The following DNASE2B variants were observed in gnomAD, a reference collection of about 807,000 sequenced individuals.
The protein encoded by DNASE2B is deoxyribonuclease 2 beta.
In DNASE2B, 43 loss-of-function variants were observed where a neutral mutation model predicts 46.0. That is an observed-to-expected ratio of 0.94 (90% CI 0.73 to 1.21). The LOEUF (loss-of-function observed/expected upper bound fraction) is 1.21, where lower values mean the gene tolerates loss of function less well. DNASE2B is among the 50% of genes most tolerant of loss of function. DNASE2B has a pLI of 0.00. For synonymous variants in DNASE2B, 156 were observed against 152.5 expected, an observed-to-expected ratio of 1.02 and a Z score of -0.17; for missense variants, 395 against 414.4, an observed-to-expected ratio of 0.95 and a Z score of 0.41.
chr1:84,411,419 A>T (rs1680589277), intron 4 of DNASE2B, among the ~76,000 whole-genome samples: 1 of 141,750 alleles, frequency 7.1e-6, no homozygotes, highest in East Asian at 2.1e-4. Context: ...AGTACCAGAA[A>T]CCTAGGGTGT....
chr1:84,406,150 C>T (rs553751422), intron 2 of DNASE2B, among the ~76,000 whole-genome samples: 1 of 151,910 alleles, frequency 6.6e-6, no homozygotes, highest in Non-Finnish European at 1.5e-5. Flanking sequence ...CATATAGACC[C>T]ATGCAGTTCA....
chr1:84,411,461 T>A (rs1318460805), intron 4 of DNASE2B, among the ~76,000 whole-genome samples: 27 of 51,144 alleles, frequency 5.3e-4, no homozygotes, highest in Non-Finnish European at 8.6e-4. Context: ...TGTGTGTGTG[T>A]GTGTGTGTGT....
chr1:84,398,779 C>T (rs1680350794), intron 1 of DNASE2B, 90 bp downstream of exon 1: 1 of 1,518,030 alleles, frequency 6.6e-7, no homozygotes, highest in Admixed American at 2.0e-5. Flanking sequence ...AGGGGAATGT[C>T]CATTCTCTTT....
chr1:84,401,566 C>T (rs941484235), intron 1 of DNASE2B, among the ~76,000 whole-genome samples: 8 of 152,212 alleles, frequency 5.3e-5, no homozygotes, highest in Non-Finnish European at 1.2e-4. Context: ...CAGCCAACTG[C>T]ATGGTCTGGG....
intron 3 of DNASE2B, among the ~76,000 whole-genome samples, chr1:84,408,864 G>A (rs1488748893): frequency 2.0e-5 from 3 of 151,576 alleles, no homozygotes; most frequent in Admixed American, 6.6e-5. Flanking sequence ...ATATGTATAT[G>A]TGCATGTAGT....
In DNASE2B at chr1:84,408,169, A is replaced by T. The variant is rs537004681; in HGVS notation, c.304-268A>T. ...TGGTTCCAAAACAACCAAGAGAAAT[A>T]GGAACATTGCCCTCACACACAGATC... On this transcript the variant is annotated intron_variant, in intron 2 of 5. Transcript: ENST00000370665. The T allele has an allele frequency of 2.3e-5, 6 of 255,660 alleles. No individual in the cohort carries two copies. In the East Asian group the frequency reaches 5.1e-4, roughly 22 times the overall value. The allele number at this position is 255,660 out of a possible 1,614,324, so 15.8% of individuals were successfully genotyped here.
chr1:84,414,722 G>A lies in DNASE2B; in HGVS notation c.940G>A (p.Gly314Ser), dbSNP rs889576489. 27 of 1,613,980 alleles carry A rather than the reference G, an allele frequency of 1.7e-5. No individual in the cohort carries two copies. The highest frequency in any genetic ancestry group is 2.2e-5 in the Non-Finnish European group (26 of 1,180,014). ...TGCCAAGTGGTGTATTTCCCAAAAG[G>A]GCACCAAAAATCGCTGGACATGTAT... is the stretch of plus-strand genomic sequence containing the variant. Reference protein sequence around the residue: ...DHAKWCISQKGTKNRWTCIGD... With the variant: ...DHAKWCISQKSTKNRWTCIGD... Residue 314 changes from glycine (G) to serine (S), a missense_variant, in exon 6 of 6, where the codon GGC becomes AGC. Gly to Ser is a moderately conservative substitution (Grantham distance 56). Coordinates refer to ENST00000370665, the MANE Select transcript of DNASE2B (RefSeq NM_021233.3).
In DNASE2B at chr1:84,402,095, A is replaced by G. The variant is rs372339761; in HGVS notation, c.303+17A>G. 1 of 1,575,440 alleles carries G rather than the reference A, an allele frequency of 6.3e-7. No homozygotes were observed. The highest frequency in any genetic ancestry group is 1.4e-5 in the African/African-American group (1 of 72,252). On this transcript the variant is annotated intron_variant, in intron 2 of 5. Coordinates refer to ENST00000370665, the MANE Select transcript of DNASE2B (RefSeq NM_021233.3). ...GCCTCTAAGGTATGTTATATAGTTAATTGTTCACTTGAATAATATAAAATG... is the reference window on the plus strand; with the variant it reads ...GCCTCTAAGGTATGTTATATAGTTAGTTGTTCACTTGAATAATATAAAATG...
At position 84,410,963 on chromosome 1, in the gene DNASE2B, T is replaced by C; in HGVS notation, c.511T>C (p.Cys171Arg). Residue 171 changes from cysteine to arginine, a missense_variant, in exon 4 of 6, where the codon TGC (cysteine) becomes CGC (arginine). Coordinates refer to ENST00000370665, the MANE Select transcript of DNASE2B (RefSeq NM_021233.3). ...TGRRNGQSGI[C>R]ITFKYNQYEA... ...GAGACGAAATGGACAAAGTGGCATC[T>C]GCATAACTTTCAAGTACAACCAGTA... 1 of 1,611,906 alleles carries C rather than the reference T, an allele frequency of 6.2e-7. No homozygotes were observed.
At chr1:84,398,803 A>ATTTG in intron 1 of DNASE2B, 114 bp downstream of exon 1, 1 of 1,455,038 alleles carries the variant, frequency 6.9e-7, no homozygotes, top group Non-Finnish European at 9.3e-7. Flanking sequence ...CCCTTTACAA[A>ATTTG]TAAAGGAAGT....
chr1:84,398,571 C>A lies in DNASE2B; in HGVS notation c.7C>A (p.Gln3Lys). 6.2e-7 allele frequency: 1 copy of A among 1,613,676 alleles called. No individual in the cohort carries two copies. Among genetic ancestry groups the A allele is most frequent in the Non-Finnish European group, 8.5e-7 (1 of 1,179,710 alleles). ...CTGCTGTGGCATGAAATAAATGAAA[C>A]AGAAAATGATGGCAAGACTGCTAAG... Reference protein sequence around the residue: MKQKMMARLLRTS... With the variant: MKKKMMARLLRTS... Residue 3 changes from glutamine to lysine, a missense_variant, in exon 1 of 6, where the codon CAG (glutamine) becomes AAG (lysine). Physicochemically the swap from Gln to Lys is moderately conservative, Grantham distance 53. Coordinates refer to ENST00000370665, the MANE Select transcript of DNASE2B (RefSeq NM_021233.3).
intron 3 of DNASE2B, 52 bp downstream of exon 3, chr1:84,408,570 T>G (rs1169369149): frequency 6.0e-6 from 9 of 1,491,600 alleles, no homozygotes; most frequent in Admixed American, 1.9e-5. Context: ...AACAATTTCT[T>G]AAATATTTCA....
At chr1:84,398,758 C>T (rs1482260318) in intron 1 of DNASE2B, 69 bp downstream of exon 1, 7 of 1,573,442 alleles carry the variant, frequency 4.4e-6, no homozygotes, top group South Asian at 2.3e-5. Context: ...TGGCTCACTG[C>T]GAAGTTCCTA....
At chr1:84,408,935 G>A (rs1680542297) in intron 3 of DNASE2B, among the ~76,000 whole-genome samples, 1 of 151,568 alleles carries the variant, frequency 6.6e-6, no homozygotes, top group Admixed American at 6.6e-5. Flanking sequence ...AGAGTAAAAC[G>A]AGCTCTTCTT....
At chr1:84,408,298 G>C (rs1680526472) in intron 2 of DNASE2B, 139 bp from the exon 3 acceptor site, 4 of 1,271,554 alleles carry the variant, frequency 3.1e-6, no homozygotes, top group South Asian at 5.2e-5. Context: ...TGATGGGGAA[G>C]CTGCCTATTA....
At chr1:84,413,369 T>C (rs1227925347) in intron 5 of DNASE2B, among the ~76,000 whole-genome samples, 2 of 152,204 alleles carry the variant, frequency 1.3e-5, no homozygotes, top group Non-Finnish European at 2.9e-5. Context: ...GCTTCCTTCC[T>C]TTATACGTTG....
chr1:84,410,018 T>C (rs1680560709), intron 3 of DNASE2B, among the ~76,000 whole-genome samples: 1 of 152,084 alleles, frequency 6.6e-6, no homozygotes. Flanking sequence ...AAAAAATAAC[T>C]AGAAGGCATT....
intron 2 of DNASE2B, among the ~76,000 whole-genome samples, chr1:84,405,481 C>T (rs554032974): frequency 2.4e-4 from 37 of 152,262 alleles, no homozygotes; most frequent in Admixed American, 1.6e-3. Context: ...GACCTCAATC[C>T]GCAGTACATA....
chr1:84,410,938 G>A lies in DNASE2B; in HGVS notation c.486G>A (p.Gly162=), dbSNP rs745752643. 6.8e-6 allele frequency: 11 copies of A among 1,612,972 alleles called. No homozygotes were observed. Among genetic ancestry groups the A allele is most frequent in the Admixed American group, 1.7e-5 (1 of 59,880 alleles). ...AAGGCTATGATTATCCACCCACAGG[G>A]AGACGAAATGGACAAAGTGGCATCT... ...PEEGYDYPPT[G]RRNGQSGICI... The change falls in exon 4 of 6, where the codon GGG becomes GGA. Residue 162 remains glycine (G), a synonymous_variant. Coordinates refer to ENST00000370665, the MANE Select transcript of DNASE2B (RefSeq NM_021233.3).
Sources: gnomAD v4.1 joint callset for allele counts (sites outside exome capture counted in the v4.1 genomes callset) on GRCh38, gnomAD v4.1.1 for gene constraint, MANE v1.5 for transcripts, NCBI Gene and HGNC (gene_info 2026-07-23, HGNC 2026-07-21) for gene names.